The following POLR3E variants were observed in gnomAD, a reference collection of about 807,000 sequenced individuals.
POLR3E encodes DNA-directed RNA polymerase III subunit RPC5.
POLR3E carries 41 observed loss-of-function variants against 96.6 expected under a neutral mutation model. The ratio of observed to expected loss-of-function variants is 0.42; its 90% CI spans 0.33 to 0.55. The LOEUF is 0.55. Ranked by LOEUF, POLR3E falls within the 20% of genes least tolerant of loss-of-function variation. The pLI, the probability that POLR3E is intolerant of heterozygous loss-of-function variation, is 0.06. For synonymous variants in POLR3E, 396 were observed against 383.6 expected, an observed-to-expected ratio of 1.03 and a Z score of -0.38; for missense variants, 849 against 952.1, an observed-to-expected ratio of 0.89 and a Z score of 1.43.
At chr16:22,327,322 A>C (rs1237347349) in intron 18 of POLR3E, 1 of 152,196 alleles carries the variant, frequency 6.6e-6, no homozygotes, top group Non-Finnish European at 1.5e-5. Flanking sequence ...CCCCTGTGGG[A>C]GGTACTGGCA....
rs2048529449 is a variant in POLR3E, at chr16:22,324,218, A to C, written c.1069-136A>C. 3 of 668,260 alleles carry C rather than the reference A, an allele frequency of 4.5e-6. No homozygotes were observed. In the South Asian group the frequency reaches 5.1e-5, roughly 11 times the overall value. 41.4% of individuals were successfully genotyped at this position (668,260 alleles called of 1,614,324 possible). A position where few individuals can be genotyped will look rare whatever the true frequency, so the allele number is the denominator to read the frequency against. On this transcript the variant is annotated intron_variant, in intron 14 of 20. Coordinates refer to ENST00000299853, the MANE Select transcript of POLR3E (RefSeq NM_018119.4). ...AGCTGAAGGGACTGCCTGAGGCCACACTGTTGGGAAGAATCAAGGCCAGGA... is the reference window on the plus strand; with the variant it reads ...AGCTGAAGGGACTGCCTGAGGCCACCCTGTTGGGAAGAATCAAGGCCAGGA...
At chr16:22,320,513 G>A (rs1264535911) in intron 13 of POLR3E, among the ~76,000 whole-genome samples, 1 of 152,096 alleles carries the variant, frequency 6.6e-6, no homozygotes. Context: ...CACCCATCTC[G>A]GCCTCCCAAA....
At chr16:22,309,577 T>A in intron 6 of POLR3E, 67 bp downstream of exon 6, 1 of 1,123,234 alleles carries the variant, frequency 8.9e-7, no homozygotes, top group Non-Finnish European at 1.4e-6. Context: ...GGAGAGTACC[T>A]CCCCAGCCTG....
intron 3 of POLR3E, among the ~76,000 whole-genome samples, chr16:22,307,421 G>C (rs1247642830): frequency 6.6e-6 from 1 of 152,166 alleles, no homozygotes; most frequent in African/African-American, 2.4e-5. Flanking sequence ...ACCTCCACCA[G>C]GCTCATTCTA....
chr16:22,332,717 G>C (rs1443963108), intron 20 of POLR3E, among the ~76,000 whole-genome samples: 1 of 152,028 alleles, frequency 6.6e-6, no homozygotes, highest in East Asian at 1.9e-4. Context: ...ACTTTCAGTA[G>C]AATCCATTCT....
At chr16:22,316,209 A>C (rs867270184) in intron 9 of POLR3E, among the ~76,000 whole-genome samples, 1 of 152,148 alleles carries the variant, frequency 6.6e-6, no homozygotes, top group African/African-American at 2.4e-5. Flanking sequence ...TCTGAGCCTC[A>C]GTTTTCTTAA....
chr16:22,305,616 C>T (rs1293573106), intron 3 of POLR3E: 6 of 375,586 alleles, frequency 1.6e-5, no homozygotes, highest in South Asian at 1.0e-4. Flanking sequence ...TTTAGGATGC[C>T]GCCTGGCAGA....
chr16:22,305,037 C>G, intron 2 of POLR3E, 119 bp from the exon 3 acceptor site: 1 of 794,524 alleles, frequency 1.3e-6, no homozygotes, highest in Non-Finnish European at 2.3e-6. Context: ...CTATTTCCTC[C>G]TTCCCCAAAC....
At chr16:22,316,437 G>A (rs1180059269) in intron 9 of POLR3E, among the ~76,000 whole-genome samples, 164 bp from the exon 10 acceptor site, 1 of 152,216 alleles carries the variant, frequency 6.6e-6, no homozygotes, top group Non-Finnish European at 1.5e-5. Context: ...AGGCCAGGAA[G>A]ATGAGTGGCT....
At chr16:22,325,138 T>G (rs2048552420) in intron 16 of POLR3E, 67 bp from the exon 17 acceptor site, 8 of 1,253,590 alleles carry the variant, frequency 6.4e-6, no homozygotes, top group South Asian at 1.2e-5. Flanking sequence ...AAGGGGTGGT[T>G]GTTTCTCTTG....
At chr16:22,303,198 A>G (rs930825646) in intron 2 of POLR3E, among the ~76,000 whole-genome samples, 194 bp downstream of exon 2, 2 of 151,766 alleles carry the variant, frequency 1.3e-5, no homozygotes, top group African/African-American at 4.8e-5. Flanking sequence ...CAGGTCTCTG[A>G]TCTGGCATCA....
At chr16:22,298,502 G>A (rs755327460) in intron 1 of POLR3E, among the ~76,000 whole-genome samples, 10 of 152,176 alleles carry the variant, frequency 6.6e-5, no homozygotes, top group Non-Finnish European at 1.2e-4. Context: ...TGAAAATAGG[G>A]AGGAATACCA....
intron 17 of POLR3E, 148 bp from the exon 18 acceptor site, chr16:22,325,613 C>G (rs1049629961): frequency 4.2e-6 from 4 of 951,144 alleles, no homozygotes; most frequent in Non-Finnish European, 6.0e-6. Flanking sequence ...GGACGGTTCT[C>G]TCTTCCACTG....
Position 22,309,179 on chromosome 16 carries a change from C to A in POLR3E, c.281+139C>A, listed in dbSNP as rs2048193591. On this transcript the variant is annotated intron_variant, in intron 5 of 20. Coordinates refer to ENST00000299853, the MANE Select transcript of POLR3E (RefSeq NM_018119.4). The stretch of plus-strand genomic sequence containing the variant: ...CCAGCCTTTGGAGGGCTGGGCCTGT[C>A]TCAGACTCTGCCCTCCTGAACTAGC... 7.5e-6 allele frequency: 5 copies of A among 668,718 alleles called. No homozygotes were observed. The Admixed American group carries it at 7.7e-5, about 10-fold the overall frequency. The allele number at this position is 668,718 out of a possible 1,614,324, so 41.4% of individuals were successfully genotyped here. A position where few individuals can be genotyped will look rare whatever the true frequency, so the allele number is the denominator to read the frequency against.
At chr16:22,323,950 GCTT>G (rs2048522487) in intron 14 of POLR3E, among the ~76,000 whole-genome samples, 1 of 152,210 alleles carries the variant, frequency 6.6e-6, no homozygotes, top group Non-Finnish European at 1.5e-5. Flanking sequence ...GGGGCTGAGA[GCTT>G]CTGGAAGGAT....
chr16:22,315,051 A>G, intron 8 of POLR3E, 38 bp from the exon 9 acceptor site: 12 of 1,607,358 alleles, frequency 7.5e-6, no homozygotes, highest in Non-Finnish European at 1.0e-5. Context: ...CAAGGGTCAC[A>G]GGCCTGACGG....
At chr16:22,320,819 T>C (rs1306430650) in intron 13 of POLR3E, among the ~76,000 whole-genome samples, 1 of 152,190 alleles carries the variant, frequency 6.6e-6, no homozygotes, top group Non-Finnish European at 1.5e-5. Context: ...TCTAGATTGG[T>C]GGTTATTTTC....
intron 6 of POLR3E, among the ~76,000 whole-genome samples, chr16:22,311,496 T>C (rs978302497): frequency 6.6e-6 from 1 of 150,948 alleles, no homozygotes; most frequent in African/African-American, 2.5e-5. Context: ...GTTGTTTGTT[T>C]TGGGGTTTTT....
intron 5 of POLR3E, 53 bp from the exon 6 acceptor site, chr16:22,309,375 G>T: frequency 3.7e-6 from 5 of 1,339,934 alleles, no homozygotes; most frequent in Non-Finnish European, 5.4e-6. Context: ...GTGGCCACAG[G>T]CCCTGGCTCG....
Sources: allele counts gnomAD v4.1 joint callset (sites outside exome capture counted in the v4.1 genomes callset), GRCh38; gene constraint gnomAD v4.1.1; transcripts MANE v1.5; gene names NCBI Gene and HGNC (gene_info 2026-07-23, HGNC 2026-07-21).